The following LRFN2 variants were observed in gnomAD, a reference collection of about 807,000 sequenced individuals.
LRFN2 encodes leucine-rich repeat and fibronectin type-III domain-containing protein 2.
A neutral mutation model predicts 37.3 loss-of-function variants in LRFN2; 18 were observed. The observed-to-expected ratio is 0.48, with a 90% CI of 0.33 to 0.72. The LOEUF is 0.72. LRFN2 is among the 30% of genes least tolerant of loss of function. The pLI is 0.02. For missense variants in LRFN2, 1,006 were observed against 1,060.7 expected (o/e 0.95, Z 0.72); for synonymous variants, 556 against 466.6 (o/e 1.19, Z -2.47).
intron 1 of LRFN2, among the ~76,000 whole-genome samples, chr6:40,478,042 G>T (rs1416401390): frequency 3.3e-5 from 5 of 152,174 alleles, no homozygotes; most frequent in Non-Finnish European, 7.3e-5. Flanking sequence ...GTGCAAAGTG[G>T]CAGCATCAGG....
rs969739011 is a variant in LRFN2, at chr6:40,391,789, T to C, written c.*154A>G. ...GGGTGGTGGGGAGGTGATGTGGGTG[T>C]TGCGGGGTAGGGGGGGACACGAGGC... On this transcript the variant is annotated 3_prime_UTR_variant, in exon 3 of 3. Coordinates refer to ENST00000338305, the MANE Select transcript of LRFN2 (RefSeq NM_020737.3). 1 of 681,824 alleles carries C rather than the reference T, an allele frequency of 1.5e-6. No homozygotes were observed. Among genetic ancestry groups the C allele is most frequent in the East Asian group, 3.3e-5 (1 of 29,996 alleles). 42.2% of individuals were successfully genotyped at this position (681,824 alleles called of 1,614,324 possible).
At chr6:40,431,433 A>G (rs900621703) in intron 2 of LRFN2, among the ~76,000 whole-genome samples, 1 of 152,240 alleles carries the variant, frequency 6.6e-6, no homozygotes, top group Non-Finnish European at 1.5e-5. Context: ...TCATAAGCTC[A>G]TAGCCATAAG....
intron 1 of LRFN2, among the ~76,000 whole-genome samples, chr6:40,455,680 T>C (rs1260894638): frequency 6.6e-6 from 1 of 152,312 alleles, no homozygotes; most frequent in East Asian, 1.9e-4. Context: ...TATTGTGTTA[T>C]TTTGTGGCCT....
In LRFN2 at chr6:40,394,797, T is replaced by C. The variant is rs533782059; in HGVS notation, c.1401-1885A>G. On this transcript the variant is annotated intron_variant, in intron 2 of 2. Transcript: ENST00000338305. ...AGCTATTCTCATGACAGTGAACAAA[T>C]CTCATGAGATCTGATGGTTTTATAA... is the stretch of plus-strand genomic sequence containing the variant. Among the ~76,000 whole-genome samples the C allele has an allele frequency of 3.9e-5, 6 of 152,156 alleles. No individual in the cohort carries two copies. The East Asian group carries it at 1.2e-3, about 29-fold the overall frequency.
At chr6:40,543,891 G>T (rs1165207474) in intron 1 of LRFN2, among the ~76,000 whole-genome samples, 1 of 152,218 alleles carries the variant, frequency 6.6e-6, no homozygotes, top group Non-Finnish European at 1.5e-5. Context: ...CCTGCAGCCA[G>T]GTTCTAAATG....
chr6:40,490,315 C>T (rs189868230), intron 1 of LRFN2, among the ~76,000 whole-genome samples: 78 of 152,302 alleles, frequency 5.1e-4, no homozygotes, highest in African/African-American at 1.8e-3. Context: ...TTATTTATGG[C>T]CGTGTCCATG....
intron 1 of LRFN2, chr6:40,501,740 C>T (rs1460090670): frequency 6.6e-6 from 1 of 152,164 alleles, no homozygotes; most frequent in Admixed American, 6.5e-5. Context: ...TCTCTGCCTT[C>T]AATACACTGG....
At chr6:40,505,802 T>G (rs1561884550) in intron 1 of LRFN2, among the ~76,000 whole-genome samples, 1 of 152,168 alleles carries the variant, frequency 6.6e-6, no homozygotes, top group Non-Finnish European at 1.5e-5. Flanking sequence ...TGGCAGGGGT[T>G]GGGGGGTCCC....
chr6:40,526,083 G>C (rs1048352825), intron 1 of LRFN2, among the ~76,000 whole-genome samples: 4 of 152,238 alleles, frequency 2.6e-5, no homozygotes, highest in African/African-American at 7.2e-5. Flanking sequence ...GCACAGTTCT[G>C]AGCACTGCTT....
At chr6:40,571,126 G>T (rs1276628044) in intron 1 of LRFN2, among the ~76,000 whole-genome samples, 2 of 152,178 alleles carry the variant, frequency 1.3e-5, no homozygotes, top group African/African-American at 4.8e-5. Context: ...GGACCATCAT[G>T]GTGCATTATA....
intron 1 of LRFN2, among the ~76,000 whole-genome samples, chr6:40,549,780 G>A (rs1476633916): frequency 6.6e-6 from 1 of 152,128 alleles, no homozygotes; most frequent in African/African-American, 2.4e-5. Flanking sequence ...GCTCACACCT[G>A]TAATCCCAGC....
At chr6:40,542,782 C>T (rs549993078) in intron 1 of LRFN2, among the ~76,000 whole-genome samples, 2 of 152,328 alleles carry the variant, frequency 1.3e-5, no homozygotes, top group East Asian at 1.9e-4. Context: ...AGGTATCTAC[C>T]TTGAGCCCAT....
chr6:40,434,894 G>A (rs1006147815), intron 1 of LRFN2, among the ~76,000 whole-genome samples: 4 of 151,342 alleles, frequency 2.6e-5, no homozygotes, highest in African/African-American at 4.9e-5. Flanking sequence ...CTGTACGCAT[G>A]AGCAAGTTTA....
At chr6:40,562,638 G>T (rs928332319) in intron 1 of LRFN2, among the ~76,000 whole-genome samples, 3 of 152,080 alleles carry the variant, frequency 2.0e-5, no homozygotes, top group African/African-American at 7.2e-5. Context: ...ACCCTTAGCC[G>T]CCAGAGAAGC....
intron 2 of LRFN2, among the ~76,000 whole-genome samples, chr6:40,397,265 A>G (rs1286990252): frequency 6.6e-6 from 1 of 152,010 alleles, no homozygotes; most frequent in African/African-American, 2.4e-5. Flanking sequence ...CCTGCTCACA[A>G]CCCATCACTC....
intron 1 of LRFN2, among the ~76,000 whole-genome samples, chr6:40,495,821 G>A (rs940511452): frequency 2.6e-4 from 39 of 152,060 alleles, no homozygotes; most frequent in Non-Finnish European, 5.4e-4. Context: ...GATCATATCT[G>A]GTCATACGAC....
chr6:40,401,138 G>T (rs1162585110), intron 2 of LRFN2, among the ~76,000 whole-genome samples: 2 of 145,624 alleles, frequency 1.4e-5, no homozygotes, highest in African/African-American at 5.0e-5. Context: ...TCAGGAATAG[G>T]AATGGGAATG....
At chr6:40,581,193 A>G (rs1490459729) in intron 1 of LRFN2, among the ~76,000 whole-genome samples, 1 of 152,200 alleles carries the variant, frequency 6.6e-6, no homozygotes, top group East Asian at 1.9e-4. Flanking sequence ...GTCTGGCAGA[A>G]GAGGATGGAA....
At chr6:40,453,074 TGGCACCCTGCTTCA>T (rs1402282301) in intron 1 of LRFN2, among the ~76,000 whole-genome samples, 2 of 152,206 alleles carry the variant, frequency 1.3e-5, no homozygotes, top group Non-Finnish European at 2.9e-5. Flanking sequence ...GAATGTTCTA[TGGCACCCTGCTTCA>T]GGCTACAGAA....
Sources: allele counts gnomAD v4.1 joint callset (sites outside exome capture counted in the v4.1 genomes callset), GRCh38; gene constraint gnomAD v4.1.1; transcripts MANE v1.5; gene names NCBI Gene and HGNC (gene_info 2026-07-23, HGNC 2026-07-21).